The following HSPD1 variants were observed in gnomAD, a reference collection of about 807,000 sequenced individuals.
The protein encoded by HSPD1 is 60 kDa heat shock protein, mitochondrial.
A neutral mutation model predicts 53.0 loss-of-function variants in HSPD1; 3 were observed. The ratio of observed to expected loss-of-function variants is 0.06; its 90% CI spans 0.03 to 0.15. The LOEUF (loss-of-function observed/expected upper bound fraction) is 0.15, where lower values mean the gene tolerates loss of function less well. HSPD1 is among the 10% of genes least tolerant of loss of function. The pLI, the probability that HSPD1 is intolerant of heterozygous loss-of-function variation, is 1.00. For missense variants in HSPD1, 431 were observed against 694.1 expected (o/e 0.62, Z 4.26); for synonymous variants, 200 against 228.0 (o/e 0.88, Z 1.10).
chr2:197,499,108 T>A (rs372044432), intron 1 of HSPD1: 2 of 549,936 alleles, frequency 3.6e-6, no homozygotes, highest in Non-Finnish European at 3.3e-6. Flanking sequence ...CACGGCCACC[T>A]ATCCCTGCCG....
chr2:197,488,288 A>G (rs747797913), intron 10 of HSPD1, 29 bp downstream of exon 10: 5 of 1,605,238 alleles, frequency 3.1e-6, no homozygotes, highest in Non-Finnish European at 4.3e-6. Flanking sequence ...AAATCAGGCC[A>G]CAAACTCATT....
chr2:197,493,825 G>T lies in HSPD1; in HGVS notation c.700+332C>A, dbSNP rs375810025. Among the ~76,000 whole-genome samples, 6 of 152,144 alleles carry T rather than the reference G, an allele frequency of 3.9e-5. No individual in the cohort carries two copies. The South Asian group carries it at 1.2e-3, about 31-fold the overall frequency. On this transcript the variant is annotated intron_variant, in intron 6 of 11. Coordinates refer to ENST00000388968, the MANE Select transcript of HSPD1 (RefSeq NM_002156.5). ...ATTAAAAAATTCAAAAATTGGCCAG[G>T]CACAGAGCCTCATACCTATAATCCC... is the stretch of plus-strand genomic sequence containing the variant.
chr2:197,494,106 C>T, intron 6 of HSPD1, 51 bp downstream of exon 6: 1 of 910,562 alleles, frequency 1.1e-6, no homozygotes, highest in Non-Finnish European at 1.8e-6. Flanking sequence ...GAATGAGACT[C>T]TGTCTAAAAT....
chr2:197,493,971 G>C (rs546502293), intron 6 of HSPD1, among the ~76,000 whole-genome samples, 186 bp downstream of exon 6: 1 of 152,258 alleles, frequency 6.6e-6, no homozygotes, highest in South Asian at 2.1e-4. Context: ...GCATGGTGGC[G>C]TGTGACTGTA....
chr2:197,496,503 C>G (rs1362700231), intron 3 of HSPD1, among the ~76,000 whole-genome samples: 1 of 152,152 alleles, frequency 6.6e-6, no homozygotes, highest in Non-Finnish European at 1.5e-5. Flanking sequence ...CTAACATACC[C>G]TAGATATACA....
chr2:197,488,526 C>T (rs547142271), intron 9 of HSPD1, 35 bp from the exon 10 acceptor site: 2 of 1,582,828 alleles, frequency 1.3e-6, no homozygotes, highest in South Asian at 2.2e-5. Context: ...AGTATGGCCT[C>T]TTCATTCAAG....
At chr2:197,488,782 C>T (rs1484978142) in intron 9 of HSPD1, among the ~76,000 whole-genome samples, 4 of 152,190 alleles carry the variant, frequency 2.6e-5, no homozygotes, top group South Asian at 2.1e-4. Flanking sequence ...GCAGGAGATT[C>T]GCTTGAACCC....
intron 6 of HSPD1, 102 bp from the exon 7 acceptor site, chr2:197,493,594 T>C (rs2106075768): frequency 5.9e-6 from 5 of 844,960 alleles, no homozygotes; most frequent in South Asian, 5.9e-5. Flanking sequence ...AATTCACCAG[T>C]GAGTTGGTTT....
rs574475889 is a variant in HSPD1, at chr2:197,496,404, TGTA to T, written c.427+733_427+735del. 2.2e-3 allele frequency among the ~76,000 whole-genome samples: 330 copies of T among 152,336 alleles called. 1 individual carries two copies. Among genetic ancestry groups the T allele is most frequent in the African/African-American group, 7.6e-3 (314 of 41,580 alleles). ...AGATGAGGTAATGATACATTAGTAA[TGTA>T]GTAATAAATTAGTATGCCAATTCTG... On this transcript the variant is annotated intron_variant, in intron 3 of 11. Transcript: ENST00000388968.
chr2:197,495,125 C>T, intron 4 of HSPD1, 169 bp downstream of exon 4: 1 of 640,508 alleles, frequency 1.6e-6, no homozygotes. Flanking sequence ...TAAATGACAA[C>T]CATTATGGTC....
At chr2:197,489,310 A>G in intron 8 of HSPD1, 63 bp from the exon 9 acceptor site, 2 of 1,490,986 alleles carry the variant, frequency 1.3e-6, no homozygotes, top group South Asian at 1.1e-5. Flanking sequence ...TACCAAGTTT[A>G]TTAATACACC....
chr2:197,489,931 CAG>C (rs1241828539), intron 8 of HSPD1, among the ~76,000 whole-genome samples: 1 of 151,030 alleles, frequency 6.6e-6, no homozygotes, highest in African/African-American at 2.4e-5. Flanking sequence ...ATAGTCAAGA[CAG>C]ATCAAGACAC....
rs1195140407 is a variant in HSPD1, at chr2:197,499,095, C to T, written c.-2-245G>A. 17 of 568,754 alleles carry T rather than the reference C, an allele frequency of 3.0e-5. No homozygotes were observed. The East Asian group carries it at 4.6e-4, about 15-fold the overall frequency. The allele number at this position is 568,754 out of a possible 1,614,324, so 35.2% of individuals were successfully genotyped here. A position where few individuals can be genotyped will look rare whatever the true frequency, so the allele number is the denominator to read the frequency against. ...CAGCACAAAGCACATGCGGCTCCTT[C>T]CCCACGGCCACCTATCCCTGCCGCC... On this transcript the variant is annotated intron_variant, in intron 1 of 11. Coordinates refer to ENST00000388968, the MANE Select transcript of HSPD1 (RefSeq NM_002156.5).
At chr2:197,490,386 C>A in intron 7 of HSPD1, 90 bp from the exon 8 acceptor site, 1 of 965,764 alleles carries the variant, frequency 1.0e-6, no homozygotes, top group Non-Finnish European at 1.6e-6. Context: ...TTACTTAGGA[C>A]TCCCTAAGTA....
chr2:197,493,535 T>C (rs2086119851), intron 6 of HSPD1, 43 bp from the exon 7 acceptor site: 1 of 1,401,802 alleles, frequency 7.1e-7, no homozygotes, highest in Non-Finnish European at 1.0e-6. Flanking sequence ...AAAAAATGAC[T>C]GCAATACATT....
chr2:197,492,563 T>A (rs1450461607), intron 7 of HSPD1, among the ~76,000 whole-genome samples: 2 of 152,000 alleles, frequency 1.3e-5, no homozygotes, highest in Non-Finnish European at 2.9e-5. Context: ...TACATATTTT[T>A]AACCAGAAAA....
intron 1 of HSPD1, chr2:197,499,087 G>T: frequency 1.7e-6 from 1 of 580,340 alleles, no homozygotes; most frequent in South Asian, 2.0e-5. Context: ...AAGCACATGC[G>T]GCTCCTTCCC....
rs2086074813 is a variant in HSPD1, at chr2:197,490,313, A to G, written c.870-17T>C. ...ACCTTTAGCCTGTTAAGAATAGTTG[A>G]TAGTAAGATTTAAATGAAATAAAAA... is the stretch of plus-strand genomic sequence containing the variant. On this transcript the variant is annotated splice_polypyrimidine_tract_variant and intron_variant, in intron 7 of 11. Transcript: ENST00000388968. The G allele has an allele frequency of 3.2e-6, 5 of 1,577,216 alleles. No homozygotes were observed. Among genetic ancestry groups the G allele is most frequent in the Non-Finnish European group, 4.4e-6 (5 of 1,146,466 alleles).
intron 10 of HSPD1, 130 bp from the exon 11 acceptor site, chr2:197,488,166 G>A: frequency 1.0e-6 from 1 of 989,116 alleles, no homozygotes; most frequent in Non-Finnish European, 1.6e-6. Context: ...CTCTGAAAAA[G>A]ATGTGATGCA....
Sources: allele counts gnomAD v4.1 joint callset (sites outside exome capture counted in the v4.1 genomes callset), GRCh38; gene constraint gnomAD v4.1.1; transcripts MANE v1.5; gene names NCBI Gene and HGNC (gene_info 2026-07-23, HGNC 2026-07-21).